Variants in ANKS1B observed in about 807,000 individuals in gnomAD.
The protein encoded by ANKS1B is ankyrin repeat and sterile alpha motif domain containing 1B.
A neutral mutation model predicts 148.3 loss-of-function variants in ANKS1B; 36 were observed. That is an observed-to-expected ratio of 0.24 (90% CI 0.19 to 0.32). The LOEUF is 0.32. Ranked by LOEUF, ANKS1B falls within the 10% of genes least tolerant of loss-of-function variation. The pLI is 1.00. For synonymous variants in ANKS1B, 542 were observed against 560.8 expected (o/e 0.97, Z 0.47); for missense variants, 1,157 against 1,542.6 (o/e 0.75, Z 4.19).
intron 1 of ANKS1B, among the ~76,000 whole-genome samples, chr12:99,983,674 C>G (rs1481648376): frequency 6.6e-6 from 1 of 152,174 alleles, no homozygotes; most frequent in Non-Finnish European, 1.5e-5. Context: ...AGGTAGGAGC[C>G]ACCGAAGGCT....
intron 12 of ANKS1B, among the ~76,000 whole-genome samples, chr12:99,300,965 C>A (rs1301275843): frequency 1.3e-5 from 2 of 152,010 alleles, no homozygotes; most frequent in African/African-American, 2.4e-5. Context: ...CTGAGAAGTC[C>A]CATGAGGTGC....
At chr12:99,958,160 A>AT (rs2095351518) in intron 1 of ANKS1B, among the ~76,000 whole-genome samples, 1 of 151,754 alleles carries the variant, frequency 6.6e-6, no homozygotes, top group Non-Finnish European at 1.5e-5. Context: ...CAAGGGAAAG[A>AT]CGGACATTCT....
intron 11 of ANKS1B, among the ~76,000 whole-genome samples, chr12:99,408,052 G>C (rs1438014485): frequency 6.9e-6 from 1 of 145,728 alleles, no homozygotes; most frequent in East Asian, 1.9e-4. Flanking sequence ...GCCATCATGA[G>C]CAAAAAGAAT....
chr12:98,822,291 T>C (rs1353740717), intron 19 of ANKS1B, among the ~76,000 whole-genome samples: 2 of 152,080 alleles, frequency 1.3e-5, no homozygotes, highest in Non-Finnish European at 2.9e-5. Flanking sequence ...TTTTTACCAC[T>C]GGAAAAAGAA....
chr12:99,656,503 C>A (rs1183095526), intron 8 of ANKS1B, among the ~76,000 whole-genome samples: 1 of 151,862 alleles, frequency 6.6e-6, no homozygotes, highest in Non-Finnish European at 1.5e-5. Flanking sequence ...GAAACAAGAA[C>A]AGAAAGTTAC....
At chr12:99,624,778 G>A (rs1167476048) in intron 9 of ANKS1B, among the ~76,000 whole-genome samples, 2 of 152,026 alleles carry the variant, frequency 1.3e-5, no homozygotes, top group African/African-American at 4.8e-5. Context: ...AGGAATAAAG[G>A]GAATGCTTAT....
chr12:99,538,418 T>C (rs553350063), intron 9 of ANKS1B, among the ~76,000 whole-genome samples: 35 of 152,288 alleles, frequency 2.3e-4, no homozygotes, highest in African/African-American at 7.5e-4. Context: ...TTTTTCTGTG[T>C]CCTCTTCAAT....
At chr12:99,911,937 A>G (rs1289516229) in intron 1 of ANKS1B, among the ~76,000 whole-genome samples, 1 of 152,248 alleles carries the variant, frequency 6.6e-6, no homozygotes, top group African/African-American at 2.4e-5. Context: ...ACATTTAGAT[A>G]TATAAATGGC....
chr12:98,945,144 C>T (rs962404238), intron 17 of ANKS1B, among the ~76,000 whole-genome samples: 1 of 152,018 alleles, frequency 6.6e-6, no homozygotes, highest in Non-Finnish European at 1.5e-5. Flanking sequence ...TATCAGATTC[C>T]AGATTTCATG....
intron 9 of ANKS1B, among the ~76,000 whole-genome samples, chr12:99,541,729 C>T (rs1212475506): frequency 6.6e-6 from 1 of 152,010 alleles, no homozygotes; most frequent in Admixed American, 6.6e-5. Context: ...GTGGCAGACA[C>T]CTGTAATCAC....
rs1019184177 is a variant in ANKS1B at position 99,819,429 on chromosome 12, A to T, written c.215+5880T>A. The stretch of plus-strand genomic sequence containing the variant: ...AGGAGGTATGCCTCTTTTATTAGAA[A>T]ACCTAAGAAAGATCAAATCATACAG... On this transcript the variant is annotated intron_variant, in intron 2 of 26. Coordinates refer to ENST00000683438, the MANE Select transcript of ANKS1B (RefSeq NM_001352186.2). Among the ~76,000 whole-genome samples the T allele has an allele frequency of 6.6e-5, 10 of 151,920 alleles. No individual in the cohort carries two copies. The East Asian group carries it at 1.7e-3, about 26-fold the overall frequency.
chr12:99,099,193 G>A (rs975146778), intron 15 of ANKS1B, among the ~76,000 whole-genome samples: 1 of 152,216 alleles, frequency 6.6e-6, no homozygotes, highest in African/African-American at 2.4e-5. Context: ...TTGGGGCCGA[G>A]CATGGCATCG....
intron 10 of ANKS1B, among the ~76,000 whole-genome samples, chr12:99,498,501 C>A (rs2096625462): frequency 6.6e-6 from 1 of 152,152 alleles, no homozygotes. Context: ...AATCATGTAG[C>A]ACTTCCTCCC....
At chr12:99,964,725 G>A (rs2095463590) in intron 1 of ANKS1B, among the ~76,000 whole-genome samples, 1 of 152,222 alleles carries the variant, frequency 6.6e-6, no homozygotes, top group Non-Finnish European at 1.5e-5. Flanking sequence ...GTGACCTAGT[G>A]CAGGGGGATT....
chr12:99,039,202 T>C (rs945761156), intron 17 of ANKS1B, among the ~76,000 whole-genome samples: 1 of 152,242 alleles, frequency 6.6e-6, no homozygotes, highest in African/African-American at 2.4e-5. Flanking sequence ...GTGGACTACC[T>C]TTCAACTGAA....
intron 16 of ANKS1B, among the ~76,000 whole-genome samples, chr12:99,073,204 G>A (rs1479839988): frequency 6.6e-6 from 1 of 152,136 alleles, no homozygotes; most frequent in Non-Finnish European, 1.5e-5. Flanking sequence ...GAGGAACCAG[G>A]CACAGAAAGA....
chr12:99,428,048 C>G (rs1206463405), intron 11 of ANKS1B, among the ~76,000 whole-genome samples: 2 of 151,996 alleles, frequency 1.3e-5, no homozygotes, highest in East Asian at 1.9e-4. Flanking sequence ...GGTAGGAAAT[C>G]CTAAAGGATG....
At chr12:99,665,728 C>T (rs1281193491) in intron 8 of ANKS1B, among the ~76,000 whole-genome samples, 1 of 152,104 alleles carries the variant, frequency 6.6e-6, no homozygotes, top group African/African-American at 2.4e-5. Flanking sequence ...CCTTGTGATC[C>T]GCCCGCCTCA....
At chr12:99,321,151 C>T (rs2085188750) in intron 12 of ANKS1B, among the ~76,000 whole-genome samples, 2 of 152,222 alleles carry the variant, frequency 1.3e-5, no homozygotes, top group Non-Finnish European at 2.9e-5. Flanking sequence ...ACTCAGGGGT[C>T]AGGGACCCAC....
Sources: gnomAD v4.1 joint callset for allele counts (sites outside exome capture counted in the v4.1 genomes callset) on GRCh38, gnomAD v4.1.1 for gene constraint, MANE v1.5 for transcripts, NCBI Gene and HGNC (gene_info 2026-07-23, HGNC 2026-07-21) for gene names.